The following RFX3 variants were observed in gnomAD, a reference collection of about 807,000 sequenced individuals.
The protein encoded by RFX3 is regulatory factor X3, also known as transcription factor RFX3.
Under a neutral mutation model 98.6 loss-of-function variants are expected in RFX3, and 14 were observed. The ratio of observed to expected loss-of-function variants is 0.14; its 90% confidence interval spans 0.09 to 0.22. RFX3 has a LOEUF of 0.22. Among genes scored for constraint, RFX3 ranks in the 10% least tolerant of loss-of-function variants. The pLI is 1.00. For missense variants in RFX3, 639 were observed against 926.9 expected (o/e 0.69, Z 4.03); for synonymous variants, 383 against 328.4 (o/e 1.17, Z -1.80).
chr9:3,303,034 T>C (rs947475024), intron 4 of RFX3, among the ~76,000 whole-genome samples: 5 of 151,836 alleles, frequency 3.3e-5, no homozygotes, highest in Non-Finnish European at 7.4e-5. Context: ...CAATTTATCC[T>C]ACTGTTAACT....
At chr9:3,401,830 CA>C (rs1841497963) in intron 1 of RFX3, among the ~76,000 whole-genome samples, 2 of 152,150 alleles carry the variant, frequency 1.3e-5, no homozygotes, top group African/African-American at 4.8e-5. Context: ...TGCGAATCTA[CA>C]GCTAAATAGG....
At position 3,379,915 on chromosome 9, in the gene RFX3, T is replaced by C. The variant is rs561304007; in HGVS notation, c.117+15557A>G. On this transcript the variant is annotated intron_variant, in intron 2 of 16. Coordinates refer to ENST00000617270, the MANE Select transcript of RFX3 (RefSeq NM_001282116.2). ...TTATTTATTTATTTATTTATTTATTTATTTATTTACTTTAATTTTTTTTAT... is the reference window on the plus strand; with the variant it reads ...TTATTTATTTATTTATTTATTTATTCATTTATTTACTTTAATTTTTTTTAT... Among the ~76,000 whole-genome samples the C allele has an allele frequency of 6.0e-3, 912 of 151,392 alleles. 6 individuals are homozygous for C. The highest frequency in any genetic ancestry group is 0.021 in the African/African-American group (859 of 41,346).
intron 1 of RFX3, among the ~76,000 whole-genome samples, chr9:3,502,299 C>A (rs1456995883): frequency 6.6e-6 from 1 of 151,768 alleles, no homozygotes; most frequent in Non-Finnish European, 1.5e-5. Flanking sequence ...TTAACTACTA[C>A]CATTCACCTT....
intron 2 of RFX3, among the ~76,000 whole-genome samples, chr9:3,366,184 T>A (rs1003542841): frequency 2.0e-5 from 3 of 152,154 alleles, no homozygotes; most frequent in Non-Finnish European, 4.4e-5. Context: ...GAGAATATGC[T>A]ACAGGACCCA....
chr9:3,395,457 G>A lies in RFX3; in HGVS notation c.117+15C>T, dbSNP rs779019495. On this transcript the variant is annotated intron_variant, in intron 2 of 16. Coordinates refer to ENST00000617270, the MANE Select transcript of RFX3 (RefSeq NM_001282116.2). ...GAAAGTAACAGCATCTTTTCTAAGA[G>A]CAGCAGCTCCTTACCTGTTGTTGTA... The A allele has an allele frequency of 6.2e-7, 1 of 1,610,438 alleles. No individual in the cohort carries two copies. Among genetic ancestry groups the A allele is most frequent in the African/African-American group, 1.3e-5 (1 of 74,970 alleles).
chr9:3,394,355 C>G (rs1180165640), intron 2 of RFX3, among the ~76,000 whole-genome samples: 2 of 152,052 alleles, frequency 1.3e-5, no homozygotes, highest in African/African-American at 4.8e-5. Flanking sequence ...CCCAGCTATT[C>G]TGGAGGCTGA....
intron 9 of RFX3, among the ~76,000 whole-genome samples, chr9:3,274,329 A>T (rs1009361406): frequency 6.6e-6 from 1 of 152,218 alleles, no homozygotes; most frequent in African/African-American, 2.4e-5. Context: ...CTGCCCAGGA[A>T]ATCCAAAGGA....
At chr9:3,247,788 A>G in intron 15 of RFX3, 1 of 1,600,736 alleles carries the variant, frequency 6.2e-7, no homozygotes, top group Non-Finnish European at 8.5e-7. Flanking sequence ...AGGTACCTGT[A>G]TAATATAGAG....
intron 4 of RFX3, among the ~76,000 whole-genome samples, chr9:3,327,742 A>G (rs2991311): frequency 0.13 from 19,587 of 152,072 alleles, 1,330 homozygotes; most frequent in Middle Eastern, 0.19. Context: ...ACAGTTTTCA[A>G]CTATTCCCAG....
rs536994079 is a variant in RFX3, at chr9:3,344,721, T to C, written c.215+1946A>G. 33 of 592,680 alleles carry C rather than the reference T, an allele frequency of 5.6e-5. No homozygotes were observed. In the South Asian group the frequency reaches 6.8e-4, roughly 12 times the overall value. The allele number at this position is 592,680 out of a possible 1,614,324, so 36.7% of individuals were successfully genotyped here. On this transcript the variant is annotated intron_variant, in intron 3 of 16. Transcript: ENST00000617270. ...TCACAGACAAAGATGAAATGACAAC[T>C]GACAACTGGGTGACCTCTAGCAGTG...
intron 2 of RFX3, among the ~76,000 whole-genome samples, chr9:3,356,275 A>G (rs999309577): frequency 1.3e-5 from 2 of 151,868 alleles, no homozygotes; most frequent in Non-Finnish European, 2.9e-5. Context: ...ACAGCAAGGT[A>G]GACTTATCAA....
chr9:3,440,856 A>G (rs569901723), intron 1 of RFX3, among the ~76,000 whole-genome samples: 1 of 152,330 alleles, frequency 6.6e-6, no homozygotes, highest in African/African-American at 2.4e-5. Context: ...TGCAATAACT[A>G]AGACAGTATG....
At chr9:3,324,107 G>T in intron 4 of RFX3, 1 of 396,598 alleles carries the variant, frequency 2.5e-6, no homozygotes, top group Non-Finnish European at 5.6e-6. Context: ...TAGGGAAAAA[G>T]GGACACAGGA....
At position 3,350,751 on chromosome 9, in the gene RFX3, T is replaced by C. The variant is rs184777151; in HGVS notation, c.118-3987A>G. ...TTTCATTAATTCCAATAATGGAATATTATTCTGCAGTGAAAAGAAATGAAC... is the reference window on the plus strand; with the variant it reads ...TTTCATTAATTCCAATAATGGAATACTATTCTGCAGTGAAAAGAAATGAAC... On this transcript the variant is annotated intron_variant, in intron 2 of 16. Transcript: ENST00000617270. Among the ~76,000 whole-genome samples, 357 of 152,220 alleles carry C rather than the reference T, an allele frequency of 2.3e-3. 1 individual carries two copies. The highest frequency in any genetic ancestry group is 8.4e-3 in the African/African-American group (349 of 41,540).
intron 1 of RFX3, among the ~76,000 whole-genome samples, chr9:3,477,150 T>C (rs754167414): frequency 2.6e-5 from 4 of 152,154 alleles, no homozygotes; most frequent in Non-Finnish European, 4.4e-5. Context: ...GACAGCAAAG[T>C]ATAATTCCAA....
At chr9:3,298,174 A>C (rs1828219596) in intron 5 of RFX3, among the ~76,000 whole-genome samples, 1 of 151,892 alleles carries the variant, frequency 6.6e-6, no homozygotes, top group Admixed American at 6.6e-5. Context: ...TACCAGGAGA[A>C]AAACAAAGTC....
intron 1 of RFX3, among the ~76,000 whole-genome samples, chr9:3,455,133 T>C (rs1237790861): frequency 6.6e-6 from 1 of 152,206 alleles, no homozygotes; most frequent in East Asian, 1.9e-4. Flanking sequence ...TCAGGTACTC[T>C]TCTATGTAAG....
intron 1 of RFX3, among the ~76,000 whole-genome samples, chr9:3,427,548 T>G (rs906541122): frequency 2.7e-5 from 4 of 150,252 alleles, no homozygotes; most frequent in Non-Finnish European, 5.9e-5. Context: ...ACATGGATTC[T>G]GCTATGATCC....
chr9:3,393,203 G>C (rs1840497478), intron 2 of RFX3, among the ~76,000 whole-genome samples: 1 of 152,064 alleles, frequency 6.6e-6, no homozygotes, highest in South Asian at 2.1e-4. Context: ...GTAAATATCA[G>C]AATAACAGGT....
Sources: gnomAD v4.1 joint callset for allele counts (sites outside exome capture counted in the v4.1 genomes callset) on GRCh38, gnomAD v4.1.1 for gene constraint, MANE v1.5 for transcripts, NCBI Gene and HGNC (gene_info 2026-07-23, HGNC 2026-07-21) for gene names.